The following PTPRQ variants were observed in gnomAD, a reference collection of about 807,000 sequenced individuals.
PTPRQ encodes phosphatidylinositol phosphatase PTPRQ.
A neutral mutation model predicts 246.0 loss-of-function variants in PTPRQ; 199 were observed. That is an observed-to-expected ratio of 0.81 (90% CI 0.72 to 0.91). The LOEUF is 0.91. Ranked by LOEUF, PTPRQ falls within the 40% of genes least tolerant of loss-of-function variation. The pLI is 0.00. For synonymous variants in PTPRQ, 869 were observed against 853.2 expected (o/e 1.02, Z -0.32); for missense variants, 2,624 against 2,528.4 (o/e 1.04, Z -0.81).
At chr12:80,507,203 C>G (rs1894989731) in intron 16 of PTPRQ, among the ~76,000 whole-genome samples, 1 of 137,020 alleles carries the variant, frequency 7.3e-6, no homozygotes, top group African/African-American at 3.1e-5. Flanking sequence ...TTTCCCTAAC[C>G]CAAATAAAGT....
rs992032194 is a variant in PTPRQ at position 80,457,715 on chromosome 12, A to G, written c.460+71A>G. On this transcript the variant is annotated intron_variant, in intron 4 of 44. Transcript: ENST00000644991. ...GTCGTTTAAAATAATAAAGAACATA[A>G]ATAAAAACTGACACTAAAATACATA... The G allele has an allele frequency of 1.3e-5, 5 of 398,890 alleles. No individual in the cohort carries two copies. In the Admixed American group the frequency reaches 1.3e-4, roughly 11 times the overall value. The allele number at this position is 398,890 out of a possible 1,614,324, so 24.7% of individuals were successfully genotyped here. A position where few individuals can be genotyped will look rare whatever the true frequency, so the allele number is the denominator to read the frequency against.
intron 35 of PTPRQ, among the ~76,000 whole-genome samples, chr12:80,645,070 A>G (rs1314945960): frequency 1.3e-5 from 2 of 152,108 alleles, no homozygotes; most frequent in African/African-American, 4.8e-5. Context: ...ATAAACATAA[A>G]TGTGAAGAAC....
At chr12:80,591,638 T>C (rs1239105566) in intron 26 of PTPRQ, among the ~76,000 whole-genome samples, 1 of 152,226 alleles carries the variant, frequency 6.6e-6, no homozygotes, top group African/African-American at 2.4e-5. Context: ...TCAGTAGGTA[T>C]GGTTATTTTG....
intron 26 of PTPRQ, among the ~76,000 whole-genome samples, chr12:80,598,385 C>T (rs1014797275): frequency 6.6e-6 from 1 of 151,926 alleles, no homozygotes; most frequent in African/African-American, 2.4e-5. Flanking sequence ...AGTGTTTTAA[C>T]CAGTGGACAG....
Position 80,542,831 on chromosome 12 carries a change from G to A in PTPRQ, c.3823G>A (p.Val1275Ile), listed in dbSNP as rs904775406. 1.3e-6 allele frequency: 2 copies of A among 1,545,630 alleles called. No homozygotes were observed. Among genetic ancestry groups the A allele is most frequent in the Non-Finnish European group, 1.7e-6 (2 of 1,144,496 alleles). ...TCCTCTTCCAGGTGGTATTGTTAAAGTATATAGTTTTAAAATTCATGAACA... is the reference window on the plus strand; with the variant it reads ...TCCTCTTCCAGGTGGTATTGTTAAAATATATAGTTTTAAAATTCATGAACA... ...PSPLPGGIVK[V>I]YSFKIHEHET... The change falls in exon 23 of 45, where the codon GTA (valine) becomes ATA (isoleucine). Residue 1275 changes from valine to isoleucine, a missense_variant. Transcript: ENST00000644991.
chr12:80,585,805 C>A (rs1897594860), intron 25 of PTPRQ, among the ~76,000 whole-genome samples: 2 of 150,782 alleles, frequency 1.3e-5, no homozygotes, highest in African/African-American at 2.4e-5. Context: ...CATATGTATA[C>A]ATGTGCCATG....
intron 33 of PTPRQ, among the ~76,000 whole-genome samples, chr12:80,630,550 T>C (rs982329274): frequency 2.0e-5 from 3 of 152,148 alleles, no homozygotes; most frequent in Non-Finnish European, 4.4e-5. Flanking sequence ...AGCATGATCC[T>C]TCATTGGAAA....
intron 3 of PTPRQ, among the ~76,000 whole-genome samples, chr12:80,447,948 A>G (rs992768501): frequency 1.4e-4 from 21 of 150,266 alleles, no homozygotes; most frequent in Non-Finnish European, 2.6e-4. Flanking sequence ...TTACATTGCT[A>G]ATTTCATAAG....
intron 14 of PTPRQ, 77 bp from the exon 15 acceptor site, chr12:80,505,947 C>T (rs1332412927): frequency 1.4e-6 from 2 of 1,451,916 alleles, no homozygotes; most frequent in Non-Finnish European, 1.8e-6. Flanking sequence ...TAACCTAGTG[C>T]ACTTCAGTGA....
intron 41 of PTPRQ, among the ~76,000 whole-genome samples, chr12:80,670,086 G>A (rs1900918923): frequency 2.0e-5 from 3 of 151,912 alleles, no homozygotes; most frequent in Admixed American, 2.0e-4. Context: ...GCTACAAAAT[G>A]GCATACTATA....
At chr12:80,514,402 A>ACACACACACACACACACACACACT (rs552667526) in intron 17 of PTPRQ, among the ~76,000 whole-genome samples, 1 of 112,980 alleles carries the variant, frequency 8.9e-6, no homozygotes, top group Non-Finnish European at 1.8e-5. Flanking sequence ...ACACACACAC[A>ACACACACACACACACACACACACT]CTCTCTCTCT....
chr12:80,586,759 C>G (rs1354864461), intron 25 of PTPRQ: 1 of 152,162 alleles, frequency 6.6e-6, no homozygotes, highest in Non-Finnish European at 1.5e-5. Context: ...TCAACTACAG[C>G]TGGAAAATAT....
chr12:80,477,867 T>A (rs1893872653), intron 8 of PTPRQ, among the ~76,000 whole-genome samples: 2 of 152,134 alleles, frequency 1.3e-5, no homozygotes, highest in Non-Finnish European at 2.9e-5. Context: ...CACACCTGGC[T>A]CGGAGGGTCC....
intron 30 of PTPRQ, among the ~76,000 whole-genome samples, chr12:80,618,858 A>G (rs530654021): frequency 6.6e-6 from 1 of 151,668 alleles, no homozygotes; most frequent in East Asian, 1.9e-4. Flanking sequence ...CCCATTAGAA[A>G]AAGCAAACAG....
At chr12:80,482,747 T>G (rs1273762829) in intron 8 of PTPRQ, among the ~76,000 whole-genome samples, 1 of 151,350 alleles carries the variant, frequency 6.6e-6, no homozygotes, top group Non-Finnish European at 1.5e-5. Flanking sequence ...AAAGAAGACA[T>G]TTATGCAGCC....
chr12:80,604,998 A>G (rs1898262554), intron 26 of PTPRQ, 61 bp from the exon 27 acceptor site: 1 of 1,413,066 alleles, frequency 7.1e-7, no homozygotes, highest in African/African-American at 1.5e-5. Context: ...CTTTTCTATT[A>G]TTGTGCTGTA....
chr12:80,538,845 G>A (rs532967676), intron 19 of PTPRQ, among the ~76,000 whole-genome samples: 14 of 152,152 alleles, frequency 9.2e-5, no homozygotes, highest in Admixed American at 2.0e-4. Flanking sequence ...CAAGTTGTCT[G>A]TGAAGTGGAG....
chr12:80,454,813 T>C (rs759325222), intron 3 of PTPRQ, among the ~76,000 whole-genome samples: 9 of 152,200 alleles, frequency 5.9e-5, no homozygotes, highest in Admixed American at 3.3e-4. Context: ...AAAAAACTTA[T>C]AAAGGCGAAA....
chr12:80,614,168 A>G (rs1898662077), intron 29 of PTPRQ, among the ~76,000 whole-genome samples: 1 of 150,840 alleles, frequency 6.6e-6, no homozygotes, highest in Admixed American at 6.6e-5. Context: ...CTATATGATT[A>G]TGAATTTAAA....
Sources: allele counts gnomAD v4.1 joint callset (sites outside exome capture counted in the v4.1 genomes callset), GRCh38; gene constraint gnomAD v4.1.1; transcripts MANE v1.5; gene names NCBI Gene and HGNC (gene_info 2026-07-23, HGNC 2026-07-21).